TMEM204: variants seen among roughly 807,000 people sequenced by gnomAD.
TMEM204 encodes the protein transmembrane protein 204, also known as claudin-like protein 24.
A neutral mutation model predicts 19.4 loss-of-function variants in TMEM204; 15 were observed. The ratio of observed to expected loss-of-function variants is 0.77; its 90% CI spans 0.52 to 1.19. TMEM204 has a LOEUF of 1.19. Ranked by LOEUF, TMEM204 falls within the 50% of genes most tolerant of loss-of-function variation. The pLI is 0.00. For missense variants in TMEM204, 287 were observed against 321.2 expected, an observed-to-expected ratio of 0.89 and a Z score of 0.81; for synonymous variants, 161 against 146.0, an observed-to-expected ratio of 1.10 and a Z score of -0.74.
chr16:1,542,695 G>A (rs2031766148), intron 2 of TMEM204, among the ~76,000 whole-genome samples: 1 of 152,284 alleles, frequency 6.6e-6, no homozygotes, highest in African/African-American at 2.4e-5. Context: ...ACAGTGAGGT[G>A]CCTGCACGAG....
chr16:1,550,612 G>T (rs1474135575), intron 2 of TMEM204, among the ~76,000 whole-genome samples: 1 of 152,190 alleles, frequency 6.6e-6, no homozygotes, highest in Non-Finnish European at 1.5e-5. Flanking sequence ...CCGGCAGGCT[G>T]CCTCAGGGCA....
upstream of TMEM204, among the ~76,000 whole-genome samples, chr16:1,529,179 C>G (rs753906394): frequency 6.6e-6 from 1 of 152,230 alleles, no homozygotes; most frequent in Admixed American, 6.5e-5. Flanking sequence ...CATTCCACCA[C>G]CCAGGGACGC....
At chr16:1,541,873 C>T (rs368230781) in intron 1 of TMEM204, 48 bp from the exon 2 acceptor site, 113 of 1,511,442 alleles carry the variant, frequency 7.5e-5, no homozygotes, top group Non-Finnish European at 8.8e-5. Context: ...GGCGTGGCCT[C>T]TGGAGCCCAC....
At chr16:1,550,007 G>C (rs981143641) in intron 2 of TMEM204, among the ~76,000 whole-genome samples, 1 of 152,054 alleles carries the variant, frequency 6.6e-6, no homozygotes, top group Non-Finnish European at 1.5e-5. Flanking sequence ...CCCAGGCTGA[G>C]TGCAATGGTG....
rs1420433642 is a variant in TMEM204, at chr16:1,533,871, T to C, written c.-405T>C. 3.6e-6 allele frequency: 1 copy of C among 276,498 alleles called. No homozygotes were observed. Among genetic ancestry groups the C allele is most frequent in the African/African-American group, 2.3e-5 (1 of 42,578 alleles). The allele number at this position is 276,498 out of a possible 1,614,324, so 17.1% of individuals were successfully genotyped here. A position where few individuals can be genotyped will look rare whatever the true frequency, so the allele number is the denominator to read the frequency against. Reference sequence around the variant, plus strand: ...CACAGCAGGCCGGTGCTAAGGAGTGTGGCGCGGGCTCGACTCCCACTGCTG... The same window carrying C: ...CACAGCAGGCCGGTGCTAAGGAGTGCGGCGCGGGCTCGACTCCCACTGCTG... On this transcript the variant is annotated 5_prime_UTR_variant, in exon 1 of 3. Transcript: ENST00000566264. This position sits in a 1 kb window ranked among gnomAD's most constrained non-coding sequence, Gnocchi z 4.7.
intron 2 of TMEM204, among the ~76,000 whole-genome samples, chr16:1,548,972 C>G (rs1008227761): frequency 1.3e-5 from 2 of 152,364 alleles, no homozygotes. Context: ...CTTTCTTCGT[C>G]AGGGTAGGAT....
In TMEM204 at chr16:1,538,458, C is replaced by T. The variant is rs566500582; in HGVS notation, c.281-3463C>T. On this transcript the variant is annotated intron_variant, in intron 1 of 2. Coordinates refer to ENST00000566264, the MANE Select transcript of TMEM204 (RefSeq NM_024600.6). ...CTGTGCCTGGTGCTCAAGCCCACCT[C>T]GGTCATGCCATTCTGGGCTATGCTC... Among the ~76,000 whole-genome samples, 16 of 152,312 alleles carry T rather than the reference C, an allele frequency of 1.1e-4. No homozygotes were observed. In the South Asian group the frequency reaches 3.1e-3, roughly 30 times the overall value.
chr16:1,553,271 TCTGTCTCTCTGTGTCTCTGC>T lies in TMEM204; in HGVS notation c.437-1491_437-1472del, dbSNP rs371656577. The T allele has an allele frequency of 9.2e-6, 9 of 980,202 alleles. No homozygotes were observed. Among genetic ancestry groups the T allele is most frequent in the Admixed American group, 6.1e-5 (1 of 16,270 alleles). The allele number at this position is 980,202 out of a possible 1,614,324, so 60.7% of individuals were successfully genotyped here. On this transcript the variant is annotated intron_variant, in intron 2 of 2. Coordinates refer to ENST00000566264, the MANE Select transcript of TMEM204 (RefSeq NM_024600.6). This position sits in a 1 kb window ranked among gnomAD's most constrained non-coding sequence, Gnocchi z 4.4. Reference sequence around the variant, plus strand: ...CTGTCTCTCTGTATCTCTCTTGGTCTCTGTCTCTCTGTGTCTCTGCCTGTCTCTCTGTGTCTCTGTCTCTG... The same window carrying T: ...CTGTCTCTCTGTATCTCTCTTGGTCTCTGTCTCTCTGTGTCTCTGTCTCTG...
At chr16:1,543,984 CCTT>C (rs2031904892) in intron 2 of TMEM204, among the ~76,000 whole-genome samples, 4 of 152,036 alleles carry the variant, frequency 2.6e-5, no homozygotes, top group South Asian at 2.1e-4. Context: ...GAAAATAACT[CCTT>C]CTGTAAGATA....
Position 1,555,051 on chromosome 16 carries a change from A to G in TMEM204, c.*25A>G. ...AGTCGCCCTTCTCAGCGCTCCATCA[A>G]CGCACACCTGCTATCGTGGAACAGC... On this transcript the variant is annotated 3_prime_UTR_variant, in exon 3 of 3. Coordinates refer to ENST00000566264, the MANE Select transcript of TMEM204 (RefSeq NM_024600.6). 3 of 1,588,828 alleles carry G rather than the reference A, an allele frequency of 1.9e-6. No homozygotes were observed. The highest frequency in any genetic ancestry group is 1.7e-6 in the Non-Finnish European group (2 of 1,168,154).
At chr16:1,536,545 C>T (rs551194596) in intron 1 of TMEM204, among the ~76,000 whole-genome samples, 84 of 152,342 alleles carry the variant, frequency 5.5e-4, no homozygotes, top group African/African-American at 1.9e-3. Context: ...GGAAGCGTCA[C>T]GGAAGCTCCT....
At position 1,555,279 on chromosome 16, in the gene TMEM204, G is replaced by A. The variant is rs905287296; in HGVS notation, c.*253G>A. ...GCGCAACGCGGCTCCACGACCACAC[G>A]CACTTCAGGGTGGAAGCTGGAAGCT... On this transcript the variant is annotated 3_prime_UTR_variant, in exon 3 of 3. Coordinates refer to ENST00000566264, the MANE Select transcript of TMEM204 (RefSeq NM_024600.6). 1.0e-5 allele frequency: 5 copies of A among 496,290 alleles called. No individual in the cohort carries two copies. The highest frequency in any genetic ancestry group is 4.9e-5 in the South Asian group (2 of 40,990). 30.7% of individuals were successfully genotyped at this position (496,290 alleles called of 1,614,324 possible).
upstream of TMEM204, chr16:1,530,745 C>CCCGTGGGGAGCGGGAG (rs2030386836): frequency 6.6e-6 from 1 of 152,282 alleles, no homozygotes; most frequent in African/African-American, 2.4e-5. Flanking sequence ...AGAGAGCCCG[C>CCCGTGGGGAGCGGGAG]AGGCCGGCCC....
upstream of TMEM204, among the ~76,000 whole-genome samples, chr16:1,529,482 C>T (rs9934455): frequency 0.24 from 37,110 of 152,168 alleles, 4,710 homozygotes; most frequent in East Asian, 0.34. Flanking sequence ...GTGCATGGGA[C>T]CCCAGGGAGG....
intron 1 of TMEM204, chr16:1,541,531 T>C: frequency 1.0e-6 from 1 of 984,000 alleles, no homozygotes; most frequent in Non-Finnish European, 1.2e-6. Context: ...GTGAATTCAG[T>C]GACAGGGAAG....
At chr16:1,545,962 G>A (rs925000457) in intron 2 of TMEM204, among the ~76,000 whole-genome samples, 4 of 152,204 alleles carry the variant, frequency 2.6e-5, no homozygotes, top group African/African-American at 9.7e-5. Flanking sequence ...CACTGTCCTG[G>A]CTTGGCTGCC....
At chr16:1,529,874 C>G (rs1028035235), upstream of TMEM204, among the ~76,000 whole-genome samples, 2 of 152,196 alleles carry the variant, frequency 1.3e-5, no homozygotes, top group Non-Finnish European at 2.9e-5. Flanking sequence ...GCAAATGATG[C>G]ACGTGGAGTG....
At chr16:1,533,480 CCT>C (rs372138381), upstream of TMEM204, 1,749 of 152,462 alleles carry the variant, frequency 0.011, 38 homozygotes, top group African/African-American at 0.04. The surrounding 1 kb of genome is among the most constrained non-coding windows in gnomAD (Gnocchi z 4.7). Flanking sequence ...GCATCCCTGG[CCT>C]CTCCTCTGGG....
Position 1,534,483 on chromosome 16 carries a change from G to A in TMEM204, c.208G>A (p.Ala70Thr), listed in dbSNP as rs377027054. 10 of 1,610,408 alleles carry A rather than the reference G, an allele frequency of 6.2e-6. No homozygotes were observed. Among genetic ancestry groups the A allele is most frequent in the Middle Eastern group, 1.7e-4 (1 of 6,060 alleles). Residue 70 changes from alanine (A) to threonine (T), a missense_variant, in exon 1 of 3, where the codon GCA (alanine) becomes ACA (threonine). Physicochemically the swap from Ala to Thr is moderately conservative, Grantham distance 58. Transcript: ENST00000566264. ...SPGARAGQVD[A>T]HDCEALGWGS... ...TGGGGCCAGAGCCGGCCAGGTGGAC[G>A]CACATGACTGTGAGGCGCTGGGCTG... is the stretch of plus-strand genomic sequence containing the variant.
Sources: gnomAD v4.1 joint callset for allele counts (sites outside exome capture counted in the v4.1 genomes callset) on GRCh38, gnomAD v4.1.1 for gene constraint, Gnocchi (gnomAD v3.1) non-coding constraint, MANE v1.5 for transcripts, NCBI Gene and HGNC (gene_info 2026-07-23, HGNC 2026-07-21) for gene names.